Variants in PRSS38 observed in about 807,000 individuals in gnomAD.
The protein encoded by PRSS38 is serine protease 38, also known as marapsin 2.
A neutral mutation model predicts 26.8 loss-of-function variants in PRSS38; 22 were observed. The ratio of observed to expected loss-of-function variants is 0.82; its 90% confidence interval spans 0.59 to 1.17. The LOEUF (loss-of-function observed/expected upper bound fraction) is 1.17, where lower values mean the gene tolerates loss of function less well. Ranked by LOEUF, PRSS38 falls within the 50% of genes most tolerant of loss-of-function variation. The probability of loss-of-function intolerance (pLI) is 0.00; values close to 1 mark genes in which losing one functional copy is unlikely to be tolerated. For synonymous variants in PRSS38, 175 were observed against 172.1 expected (o/e 1.02, Z -0.13); for missense variants, 427 against 422.7 (o/e 1.01, Z -0.09).
intron 3 of PRSS38, among the ~76,000 whole-genome samples, chr1:227,818,973 T>C: frequency 6.6e-6 from 1 of 152,212 alleles, no homozygotes; most frequent in East Asian, 1.9e-4. Context: ...AATTTATTCT[T>C]AGGCCAATTT....
intron 3 of PRSS38, among the ~76,000 whole-genome samples, chr1:227,842,950 T>C (rs2102686156): frequency 6.6e-6 from 1 of 152,324 alleles, no homozygotes; most frequent in African/African-American, 2.4e-5. Flanking sequence ...CCCAGGCCTT[T>C]ACAGAGAATC....
intron 3 of PRSS38, among the ~76,000 whole-genome samples, chr1:227,821,277 T>C (rs1665000437): frequency 6.6e-6 from 1 of 152,122 alleles, no homozygotes; most frequent in African/African-American, 2.4e-5. Flanking sequence ...TTTAATCCAG[T>C]CTATCATTGA....
At chr1:227,845,897 C>T in intron 4 of PRSS38, 57 bp from the exon 5 acceptor site, 5 of 1,594,126 alleles carry the variant, frequency 3.1e-6, no homozygotes, top group Admixed American at 3.4e-5. Flanking sequence ...GGGACAGGTG[C>T]AGGAGGCGGC....
chr1:227,837,813 G>A (rs899566831), intron 3 of PRSS38, among the ~76,000 whole-genome samples: 6 of 152,158 alleles, frequency 3.9e-5, no homozygotes, highest in Non-Finnish European at 1.5e-5. Flanking sequence ...CTCTTCTTGA[G>A]GTTTGCTGAC....
intron 3 of PRSS38, among the ~76,000 whole-genome samples, chr1:227,843,306 T>C (rs551518536): frequency 6.6e-6 from 1 of 152,316 alleles, no homozygotes; most frequent in African/African-American, 2.4e-5. Context: ...TATTACATGA[T>C]ATCCAGTTCC....
chr1:227,820,017 A>G (rs1377367109), intron 3 of PRSS38, among the ~76,000 whole-genome samples: 1 of 134,238 alleles, frequency 7.4e-6, no homozygotes, highest in African/African-American at 2.7e-5. Flanking sequence ...TGAACCCAGG[A>G]GGTGGAGGTT....
intron 3 of PRSS38, among the ~76,000 whole-genome samples, chr1:227,834,661 TC>T (rs1476558640): frequency 1.7e-5 from 1 of 57,626 alleles, no homozygotes; most frequent in Non-Finnish European, 3.2e-5. Context: ...AGAGCAAGAC[TC>T]TGTTTCAAAA....
At chr1:227,826,873 A>G (rs1461528916) in intron 3 of PRSS38, among the ~76,000 whole-genome samples, 1 of 152,134 alleles carries the variant, frequency 6.6e-6, no homozygotes, top group East Asian at 1.9e-4. Context: ...CCTAGTTTAG[A>G]GTTTTTAACA....
intron 3 of PRSS38, among the ~76,000 whole-genome samples, chr1:227,844,612 GT>G (rs1665388857): frequency 6.8e-6 from 1 of 147,056 alleles, no homozygotes; most frequent in Non-Finnish European, 1.5e-5. Flanking sequence ...CCTATGTGTG[GT>G]GGGGCTCCTC....
intron 3 of PRSS38, among the ~76,000 whole-genome samples, chr1:227,827,454 GA>G (rs1415400049): frequency 2.2e-4 from 34 of 151,956 alleles, no homozygotes; most frequent in African/African-American, 8.0e-4. Flanking sequence ...TTCTTTTCTA[GA>G]TTTTTTTAGT....
chr1:227,834,664 G>A (rs1320237732), intron 3 of PRSS38, among the ~76,000 whole-genome samples: 2 of 30,596 alleles, frequency 6.5e-5, no homozygotes, highest in African/African-American at 4.7e-4. Context: ...GCAAGACTCT[G>A]TTTCAAAAAA....
intron 3 of PRSS38, 137 bp from the exon 4 acceptor site, chr1:227,845,333 G>A (rs1235642500): frequency 1.9e-5 from 12 of 625,588 alleles, no homozygotes. Context: ...TCATCCCTAT[G>A]TGTCATCAGG....
intron 3 of PRSS38, among the ~76,000 whole-genome samples, chr1:227,827,112 T>A (rs1665085067): frequency 6.6e-6 from 1 of 152,212 alleles, no homozygotes; most frequent in African/African-American, 2.4e-5. Context: ...GCATTGATGT[T>A]CATCAAGTAT....
At chr1:227,832,411 G>GTGCCTTTTGTTA (rs1665166111) in intron 3 of PRSS38, among the ~76,000 whole-genome samples, 1 of 151,924 alleles carries the variant, frequency 6.6e-6, no homozygotes, top group Admixed American at 6.6e-5. Flanking sequence ...TGTTAACAAA[G>GTGCCTTTTGTTA]TGCCTTTTGG....
chr1:227,839,647 C>T (rs1408537206), intron 3 of PRSS38, among the ~76,000 whole-genome samples: 1 of 152,212 alleles, frequency 6.6e-6, no homozygotes. Flanking sequence ...GTGGCTCAGA[C>T]TGGCGACAGT....
chr1:227,816,394 C>T lies in PRSS38; in HGVS notation c.311+142C>T. The T allele has an allele frequency of 1.2e-6, 1 of 868,122 alleles. No individual in the cohort carries two copies. Among genetic ancestry groups the T allele is most frequent in the Non-Finnish European group, 1.8e-6 (1 of 568,810 alleles). The allele number at this position is 868,122 out of a possible 1,614,324, so 53.8% of individuals were successfully genotyped here. ...ACTGTCGACCCGCGCAAGGCCAGGT[C>T]CCCACCAGTGAGGCTGGTCCCCAAA... On this transcript the variant is annotated intron_variant, in intron 2 of 4. Coordinates refer to ENST00000366757, the Ensembl canonical transcript of PRSS38. This position sits in a 1 kb window ranked among gnomAD's most constrained non-coding sequence, Gnocchi z 5.1.
At chr1:227,820,136 G>A (rs1160923546) in intron 3 of PRSS38, among the ~76,000 whole-genome samples, 2 of 139,228 alleles carry the variant, frequency 1.4e-5, no homozygotes, top group Non-Finnish European at 3.1e-5. Context: ...ATTTTTTTAT[G>A]TGTTGGCCTT....
Position 227,816,284 on chromosome 1 carries a change from T to C in PRSS38, c.311+32T>C. On this transcript the variant is annotated intron_variant, in intron 2 of 4. Coordinates refer to ENST00000366757, the Ensembl canonical transcript of PRSS38. The surrounding 1 kb of genome is among the most constrained non-coding windows in gnomAD (Gnocchi z 5.1). ...GGGCGCCGGCCTGGGATGGTGTGGG[T>C]AGCTGGGCCTGCACGGAGTGCCCAC... is the stretch of plus-strand genomic sequence containing the variant. 2 of 1,595,344 alleles carry C rather than the reference T, an allele frequency of 1.3e-6. No homozygotes were observed. Among genetic ancestry groups the C allele is most frequent in the South Asian group, 2.2e-5 (2 of 89,656 alleles).
intron 3 of PRSS38, among the ~76,000 whole-genome samples, chr1:227,838,580 T>C (rs1173424506): frequency 6.6e-6 from 1 of 152,238 alleles, no homozygotes; most frequent in African/African-American, 2.4e-5. Context: ...TGAGACATCC[T>C]TTCTTCTGCA....
Sources: allele counts gnomAD v4.1 joint callset (sites outside exome capture counted in the v4.1 genomes callset), GRCh38; gene constraint gnomAD v4.1.1; non-coding constraint Gnocchi (gnomAD v3.1); transcripts MANE v1.5; gene names NCBI Gene and HGNC (gene_info 2026-07-23, HGNC 2026-07-21).